The following TENM3 variants were observed in gnomAD, a reference collection of about 807,000 sequenced individuals.
TENM3 encodes teneurin-3.
In TENM3, 63 loss-of-function variants were observed where a neutral mutation model predicts 255.1. The observed-to-expected ratio is 0.25, with a 90% CI of 0.20 to 0.30. The LOEUF is 0.30. TENM3 is among the 10% of genes least tolerant of loss of function. TENM3 has a pLI of 1.00. For synonymous variants in TENM3, 1,306 were observed against 1,322.3 expected, an observed-to-expected ratio of 0.99 and a Z score of 0.27; for missense variants, 2,929 against 3,461.1, an observed-to-expected ratio of 0.85 and a Z score of 3.86.
At chr4:181,637,389 G>C in the TENM3 span, among the ~76,000 whole-genome samples, 1 of 152,218 alleles carries the variant, frequency 6.6e-6, no homozygotes, top group Non-Finnish European at 1.5e-5. Context: ...TTCAGCACAT[G>C]GGTGGGGAAT....
At chr4:182,415,080 G>A (rs1012860905) in intron 3 of TENM3, among the ~76,000 whole-genome samples, 8 of 152,126 alleles carry the variant, frequency 5.3e-5, no homozygotes, top group African/African-American at 9.7e-5. Flanking sequence ...ATACCATTTC[G>A]AAATATCTTA....
rs140578297 is a variant in TENM3 at position 182,722,054 on chromosome 4, A to G, written c.2369-6911A>G. Among the ~76,000 whole-genome samples, 1,130 of 152,252 alleles carry G rather than the reference A, an allele frequency of 7.4e-3. 13 individuals carry two copies. Among genetic ancestry groups the G allele is most frequent in the African/African-American group, 0.026 (1,087 of 41,562 alleles). On this transcript the variant is annotated intron_variant, in intron 13 of 27. Transcript: ENST00000511685. ...CATGCAGAAGCTTTCAGTTGATATGACATAAATTTGTCTGAGGTTTATCTT... is the reference window on the plus strand; with the variant it reads ...CATGCAGAAGCTTTCAGTTGATATGGCATAAATTTGTCTGAGGTTTATCTT...
intron 3 of TENM3, among the ~76,000 whole-genome samples, chr4:182,393,952 T>C (rs1442317060): frequency 6.6e-6 from 1 of 152,210 alleles, no homozygotes; most frequent in Non-Finnish European, 1.5e-5. Flanking sequence ...TCTTATTCCC[T>C]GACCAGAAAC....
chr4:182,489,813 C>A (rs1735105477), intron 3 of TENM3, among the ~76,000 whole-genome samples: 1 of 148,518 alleles, frequency 6.7e-6, no homozygotes. Flanking sequence ...TCGCCCTGTT[C>A]CTTCCCTCCC....
intron 1 of TENM3, among the ~76,000 whole-genome samples, chr4:182,304,274 A>G (rs1762008186): frequency 6.6e-6 from 1 of 151,896 alleles, no homozygotes; most frequent in Non-Finnish European, 1.5e-5. Context: ...GTGCAGTGGT[A>G]CGATCTTGGC....
the TENM3 span, among the ~76,000 whole-genome samples, chr4:181,503,080 G>A: frequency 6.6e-6 from 1 of 152,178 alleles, no homozygotes; most frequent in East Asian, 1.9e-4. Flanking sequence ...TGATCATTCA[G>A]CTGGACATGC....
In TENM3 at chr4:182,736,257, A is replaced by G. The variant is rs557322834; in HGVS notation, c.2968-551A>G. Among the ~76,000 whole-genome samples, 7 of 152,340 alleles carry G rather than the reference A, an allele frequency of 4.6e-5. 1 individual carries two copies. In the South Asian group the frequency reaches 1.4e-3, roughly 32 times the overall value. ...CTGTCTTTATAGGCTGTGACCAGCC[A>G]GCTGATGAGGCTATAGGTACTGGTT... On this transcript the variant is annotated intron_variant, in intron 16 of 27. Coordinates refer to ENST00000511685, the MANE Select transcript of TENM3 (RefSeq NM_001080477.4).
the TENM3 span, among the ~76,000 whole-genome samples, chr4:181,831,524 A>G: frequency 2.7e-5 from 4 of 146,534 alleles, no homozygotes; most frequent in African/African-American, 9.9e-5. Flanking sequence ...CTGATTTTTT[A>G]GAGTTATAAA....
At chr4:182,796,917 T>C in intron 27 of TENM3, 150 bp downstream of exon 27, 1 of 556,774 alleles carries the variant, frequency 1.8e-6, no homozygotes, top group Non-Finnish European at 3.0e-6. Flanking sequence ...TTCCTCTGCA[T>C]TTGTGTTCAA....
At chr4:181,641,684 T>A in the TENM3 span, among the ~76,000 whole-genome samples, 2 of 72,990 alleles carry the variant, frequency 2.7e-5, no homozygotes, top group Admixed American at 1.9e-4. Flanking sequence ...ATATATAAAA[T>A]ATATATAATG....
intron 6 of TENM3, among the ~76,000 whole-genome samples, chr4:182,670,190 T>A (rs1755084018): frequency 1.3e-5 from 2 of 152,258 alleles, no homozygotes; most frequent in South Asian, 4.1e-4. Flanking sequence ...GTATTACTAT[T>A]GTAAAATAAA....
At chr4:182,663,394 A>G (rs768987859) in intron 6 of TENM3, among the ~76,000 whole-genome samples, 41 of 152,206 alleles carry the variant, frequency 2.7e-4, no homozygotes, top group Admixed American at 5.2e-4. Context: ...TTGACTGAAA[A>G]CAACCTAATT....
chr4:181,729,769 C>T, the TENM3 span, among the ~76,000 whole-genome samples: 2 of 152,098 alleles, frequency 1.3e-5, no homozygotes, highest in African/African-American at 2.4e-5. Flanking sequence ...TTGTCTTTGT[C>T]GGAGCCAGCT....
At chr4:181,847,952 C>T in the TENM3 span, among the ~76,000 whole-genome samples, 1 of 152,066 alleles carries the variant, frequency 6.6e-6, no homozygotes. Flanking sequence ...AATGTCGGTC[C>T]TTGTTTATAC....
the TENM3 span, among the ~76,000 whole-genome samples, chr4:181,502,137 C>T: frequency 6.6e-6 from 1 of 152,086 alleles, no homozygotes; most frequent in African/African-American, 2.4e-5. Flanking sequence ...GAAGGTGAAG[C>T]ACAGGAGATT....
the TENM3 span, among the ~76,000 whole-genome samples, chr4:182,052,750 C>G: frequency 6.6e-6 from 1 of 152,090 alleles, no homozygotes; most frequent in African/African-American, 2.4e-5. Flanking sequence ...TGGACCTGCT[C>G]TTATTGCCAG....
At chr4:182,653,003 T>C (rs1249530020) in intron 5 of TENM3, among the ~76,000 whole-genome samples, 1 of 152,190 alleles carries the variant, frequency 6.6e-6, no homozygotes, top group Admixed American at 6.5e-5. Flanking sequence ...TTTCAAATTA[T>C]GTCTGGAATT....
chr4:182,200,790 A>G (rs1754139188), intron 1 of TENM3, among the ~76,000 whole-genome samples: 1 of 151,008 alleles, frequency 6.6e-6, no homozygotes, highest in African/African-American at 2.4e-5. Context: ...AAACAGAACC[A>G]GCCAAGGGGA....
intron 3 of TENM3, among the ~76,000 whole-genome samples, chr4:182,408,917 A>C (rs1391762854): frequency 6.6e-6 from 1 of 152,184 alleles, no homozygotes; most frequent in African/African-American, 2.4e-5. Flanking sequence ...AAGATGTGAA[A>C]CCTCAGGCAT....
Sources: allele counts gnomAD v4.1 joint callset (sites outside exome capture counted in the v4.1 genomes callset), GRCh38; gene constraint gnomAD v4.1.1; transcripts MANE v1.5; gene names NCBI Gene and HGNC (gene_info 2026-07-23, HGNC 2026-07-21).